Variants in LAMA4 observed in about 807,000 individuals in gnomAD.
LAMA4 encodes the protein laminin subunit alpha 4, also known as laminin subunit alpha-4.
A neutral mutation model predicts 207.1 loss-of-function variants in LAMA4; 127 were observed. The observed-to-expected ratio is 0.61, with a 90% CI of 0.53 to 0.71. The LOEUF is 0.71. Ranked by LOEUF, LAMA4 falls within the 30% of genes least tolerant of loss-of-function variation. The probability of loss-of-function intolerance (pLI) is 0.00; values close to 1 mark genes in which losing one functional copy is unlikely to be tolerated. For synonymous variants in LAMA4, 761 were observed against 816.0 expected (o/e 0.93, Z 1.15); for missense variants, 2,093 against 2,246.5 (o/e 0.93, Z 1.38).
At chr6:112,226,190 A>G (rs2115106848) in intron 2 of LAMA4, among the ~76,000 whole-genome samples, 1 of 152,220 alleles carries the variant, frequency 6.6e-6, no homozygotes, top group Middle Eastern at 3.4e-3. Flanking sequence ...ATTCTTCATT[A>G]CCAGAATTAA....
intron 5 of LAMA4, among the ~76,000 whole-genome samples, chr6:112,195,270 T>C (rs1783347194): frequency 6.6e-6 from 1 of 152,138 alleles, no homozygotes; most frequent in Non-Finnish European, 1.5e-5. Context: ...GTAGGTGCTA[T>C]GTAAATGCTC....
At chr6:112,157,916 AG>A (rs1780817308) in intron 14 of LAMA4, 1 of 152,136 alleles carries the variant, frequency 6.6e-6, no homozygotes, top group African/African-American at 2.4e-5. Flanking sequence ...CTCTCTTCGT[AG>A]GAGATTTGGA....
At chr6:112,224,813 C>CAAA (rs782785024) in intron 2 of LAMA4, among the ~76,000 whole-genome samples, 18 of 67,946 alleles carry the variant, frequency 2.6e-4, no homozygotes, top group East Asian at 8.3e-4. Flanking sequence ...AAGACTGTCT[C>CAAA]AAAAAAAAAA....
chr6:112,235,829 T>C (rs1554365821), intron 2 of LAMA4, among the ~76,000 whole-genome samples: 14 of 152,184 alleles, frequency 9.2e-5, no homozygotes. Context: ...AAGGGGTTGA[T>C]AGCATATGGG....
chr6:112,244,643 C>A (rs1786777290), intron 2 of LAMA4, among the ~76,000 whole-genome samples: 1 of 152,148 alleles, frequency 6.6e-6, no homozygotes, highest in Non-Finnish European at 1.5e-5. Context: ...GGGGGTTTAC[C>A]CTGTGACACG....
chr6:112,224,414 C>G (rs1785090343), intron 2 of LAMA4, among the ~76,000 whole-genome samples: 1 of 152,202 alleles, frequency 6.6e-6, no homozygotes, highest in African/African-American at 2.4e-5. Flanking sequence ...CTTAATCGCA[C>G]TGGCTCTGCT....
chr6:112,149,740 C>G (rs1780263271), intron 17 of LAMA4, among the ~76,000 whole-genome samples: 1 of 152,174 alleles, frequency 6.6e-6, no homozygotes, highest in Non-Finnish European at 1.5e-5. Context: ...ATGCCCAGCT[C>G]ACACTAAGCA....
intron 24 of LAMA4, among the ~76,000 whole-genome samples, chr6:112,138,692 T>C (rs1554332213): frequency 6.6e-6 from 1 of 152,204 alleles, no homozygotes; most frequent in Non-Finnish European, 1.5e-5. Context: ...AGTACACATG[T>C]ATCATTTATA....
chr6:112,109,549 TTGCTGGGGGCCAAGCGTGGTG>T lies in LAMA4; in HGVS notation c.5339_5359del (p.Thr1780_Ser1786del), dbSNP rs782298904. On this transcript the variant is annotated inframe_deletion, in exon 39 of 39. Coordinates refer to ENST00000230538, the MANE Select transcript of LAMA4 (RefSeq NM_001105206.3). ...GTGGCGTATGCAGCCTGTGAAGGGTTTGCTGGGGGCCAAGCGTGGTGTCAGTAGAGATTCTGAAAAGAGCAA... is the reference window on the plus strand; with the variant it reads ...GTGGCGTATGCAGCCTGTGAAGGGTTTCAGTAGAGATTCTGAAAAGAGCAA... 1 of 1,614,098 alleles carries T rather than the reference TTGCTGGGGGCCAAGCGTGGTG, an allele frequency of 6.2e-7. No individual in the cohort carries two copies. Among genetic ancestry groups the T allele is most frequent in the Non-Finnish European group, 8.5e-7 (1 of 1,179,988 alleles).
rs587663438 is a variant in LAMA4 at position 112,117,075 on chromosome 6, C to A, written c.4981+664G>T. On this transcript the variant is annotated intron_variant, in intron 35 of 38. Coordinates refer to ENST00000230538, the MANE Select transcript of LAMA4 (RefSeq NM_001105206.3). This position sits in a 1 kb window ranked among gnomAD's most constrained non-coding sequence, Gnocchi z 4.5. ...AGGAGGGAACATGCAGCTTTATACC[C>A]TTTCCTATCCTAATTCCGGGCACTT... 6.6e-6 allele frequency among the ~76,000 whole-genome samples: 1 copy of A among 152,320 alleles called. No homozygotes were observed. Among genetic ancestry groups the A allele is most frequent in the Non-Finnish European group, 1.5e-5 (1 of 68,028 alleles).
chr6:112,246,825 TG>T (rs1786980162), intron 2 of LAMA4, among the ~76,000 whole-genome samples: 1 of 152,196 alleles, frequency 6.6e-6, no homozygotes, highest in Non-Finnish European at 1.5e-5. Flanking sequence ...CAGCTGCTGT[TG>T]GCTTTTTTCT....
chr6:112,216,367 CCA>C lies in LAMA4; in HGVS notation c.296_297del (p.Val99AlafsTer12). The C allele has an allele frequency of 6.2e-7, 1 of 1,602,444 alleles. No individual in the cohort carries two copies. The highest frequency in any genetic ancestry group is 8.6e-7 in the Non-Finnish European group (1 of 1,169,352). Reference protein sequence around the residue: ...NECLDGSGYCVHCQRNTTGEH... With the variant: ...NECLDGSGYCXHCQRNTTGEH... ...GAAGTGTTATAGGTGCCCCAACTTA[CCA>C]CACAGTATCCTGAGCCGTCCAAACA... On this transcript the variant is annotated frameshift_variant and splice_region_variant, in exon 3 of 39. Coordinates refer to ENST00000230538, the MANE Select transcript of LAMA4 (RefSeq NM_001105206.3). LOFTEE classifies it high-confidence loss of function.
Position 112,118,035 on chromosome 6 carries a change from G to A in LAMA4, c.4822-137C>T. ...TTTATTTCAGATATCTGAATGATCA[G>A]TACTTTCCTGGATAGTTGCTTTCTA... On this transcript the variant is annotated intron_variant, in intron 34 of 38. Transcript: ENST00000230538. This position sits in a 1 kb window ranked among gnomAD's most constrained non-coding sequence, Gnocchi z 4.6. 1.4e-6 allele frequency: 1 copy of A among 728,558 alleles called. No individual in the cohort carries two copies. Among genetic ancestry groups the A allele is most frequent in the East Asian group, 2.8e-5 (1 of 36,076 alleles). The allele number at this position is 728,558 out of a possible 1,614,324, so 45.1% of individuals were successfully genotyped here. A position where few individuals can be genotyped will look rare whatever the true frequency, so the allele number is the denominator to read the frequency against.
chr6:112,231,045 T>C (rs1554364275), intron 2 of LAMA4, among the ~76,000 whole-genome samples: 1 of 152,214 alleles, frequency 6.6e-6, no homozygotes, highest in East Asian at 1.9e-4. Flanking sequence ...TGTGGCGTTA[T>C]TGCTGAAGCT....
At chr6:112,213,402 C>T (rs1201919978) in intron 3 of LAMA4, 1 of 152,158 alleles carries the variant, frequency 6.6e-6, no homozygotes, top group Non-Finnish European at 1.5e-5. Context: ...CTTCTAGTAC[C>T]TTTATAGAGA....
intron 2 of LAMA4, among the ~76,000 whole-genome samples, chr6:112,243,989 C>T (rs782071969): frequency 9.9e-5 from 15 of 152,050 alleles, no homozygotes; most frequent in Non-Finnish European, 1.5e-4. Context: ...ACCTGGGAGG[C>T]GGATGTGGCA....
At chr6:112,215,266 AAC>A (rs1344681654) in intron 3 of LAMA4, among the ~76,000 whole-genome samples, 4 of 152,216 alleles carry the variant, frequency 2.6e-5, no homozygotes, top group African/African-American at 7.2e-5. Context: ...GGACTAAATA[AAC>A]ACTACAAAGA....
chr6:112,139,795 G>A lies in LAMA4; in HGVS notation c.3067C>T (p.His1023Tyr), dbSNP rs1554332606. 6.2e-7 allele frequency: 1 copy of A among 1,614,042 alleles called. No homozygotes were observed. Among genetic ancestry groups the A allele is most frequent in the Non-Finnish European group, 8.5e-7 (1 of 1,179,918 alleles). ...NDVISLYNFK[H>Y]IYNMDPSTSV... ...GTGGAGGGGTCCATATTATAGATGT[G>A]CTTAAAGTTGTACAAGCTGATCACA... The change falls in exon 23 of 39, where the codon CAC becomes TAC. Residue 1023 changes from histidine to tyrosine, a missense_variant. Physicochemically the swap from His to Tyr is moderately conservative, Grantham distance 83. Coordinates refer to ENST00000230538, the MANE Select transcript of LAMA4 (RefSeq NM_001105206.3).
At chr6:112,113,188 CAAAGA>C (rs1454623547) in intron 38 of LAMA4, among the ~76,000 whole-genome samples, 1 of 152,106 alleles carries the variant, frequency 6.6e-6, no homozygotes, top group Non-Finnish European at 1.5e-5. Flanking sequence ...GTTACCAACA[CAAAGA>C]AAAGATAAAT....
Sources: allele counts gnomAD v4.1 joint callset (sites outside exome capture counted in the v4.1 genomes callset), GRCh38; gene constraint gnomAD v4.1.1; non-coding constraint Gnocchi (gnomAD v3.1); transcripts MANE v1.5; gene names NCBI Gene and HGNC (gene_info 2026-07-23, HGNC 2026-07-21).